Variants in CAST observed in about 807,000 individuals in gnomAD.
CAST encodes calpastatin, also known as MIR583 host.
CAST carries 76 observed loss-of-function variants against 119.6 expected under a neutral mutation model. That is an observed-to-expected ratio of 0.64 (90% CI 0.53 to 0.77). The LOEUF (loss-of-function observed/expected upper bound fraction) is 0.77. Among genes scored for constraint, CAST ranks in the 30% least tolerant of loss-of-function variants. The pLI, the probability that CAST is intolerant of heterozygous loss-of-function variation, is 0.00. For missense variants in CAST, 953 were observed against 946.5 expected (o/e 1.01, Z -0.09); for synonymous variants, 319 against 331.6 (o/e 0.96, Z 0.41).
At chr5:96,033,269 T>C in the CAST span, among the ~76,000 whole-genome samples, 1 of 152,072 alleles carries the variant, frequency 6.6e-6, no homozygotes, top group African/African-American at 2.4e-5. Flanking sequence ...ACGTAATCCC[T>C]ATAAAAATAC....
At chr5:96,365,255 A>G in the CAST span, among the ~76,000 whole-genome samples, 3 of 152,302 alleles carry the variant, frequency 2.0e-5, no homozygotes, top group South Asian at 2.1e-4. Flanking sequence ...TATGTGGTCA[A>G]TTTTGGAATA....
At chr5:96,448,481 T>C in the CAST span, among the ~76,000 whole-genome samples, 1 of 152,222 alleles carries the variant, frequency 6.6e-6, no homozygotes, top group African/African-American at 2.4e-5. Context: ...GGCACTGTGC[T>C]AGCTGCAATG....
the CAST span, among the ~76,000 whole-genome samples, chr5:96,354,502 A>G: frequency 6.6e-6 from 1 of 151,998 alleles, no homozygotes; most frequent in Non-Finnish European, 1.5e-5. Flanking sequence ...CAGTTAAACT[A>G]TGATACACCA....
chr5:96,653,843 AT>A (rs1748123236), intron 1 of CAST, among the ~76,000 whole-genome samples: 1 of 152,130 alleles, frequency 6.6e-6, no homozygotes, highest in Non-Finnish European at 1.5e-5. Flanking sequence ...TATGAGTCTT[AT>A]TCTGTATTTT....
chr5:96,219,553 C>T, the CAST span, among the ~76,000 whole-genome samples: 1 of 152,192 alleles, frequency 6.6e-6, no homozygotes, highest in African/African-American at 2.4e-5. Context: ...TGCCTGTAAT[C>T]CCAGCACTTC....
intron 24 of CAST, 163 bp from the exon 25 acceptor site, chr5:96,762,104 TAGAGAAG>T (rs1449432256): frequency 2.2e-6 from 1 of 445,936 alleles, no homozygotes; most frequent in African/African-American, 2.0e-5. Flanking sequence ...AATAATACAA[TAGAGAAG>T]AAAGAATTTA....
chr5:96,078,732 G>A, the CAST span, among the ~76,000 whole-genome samples: 13 of 152,146 alleles, frequency 8.5e-5, no homozygotes, highest in Non-Finnish European at 1.8e-4. Context: ...TTTGTCTTGT[G>A]GGTATTGATG....
the CAST span, among the ~76,000 whole-genome samples, chr5:96,175,316 C>G: frequency 6.6e-6 from 1 of 152,092 alleles, no homozygotes; most frequent in African/African-American, 2.4e-5. Context: ...TGAAAGTACC[C>G]TACTGGCCAA....
upstream of CAST, among the ~76,000 whole-genome samples, chr5:96,524,561 C>T (rs930049455): frequency 9.2e-5 from 14 of 152,114 alleles, no homozygotes; most frequent in East Asian, 5.8e-4. Context: ...TGTTATGGCC[C>T]GGGAAGTGGG....
chr5:96,747,187 A>C (rs943034443), intron 17 of CAST, among the ~76,000 whole-genome samples, 158 bp from the exon 18 acceptor site: 1 of 152,094 alleles, frequency 6.6e-6, no homozygotes, highest in Non-Finnish European at 1.5e-5. Context: ...TCCTTTTTTT[A>C]TACTTTATAA....
intron 1 of CAST, among the ~76,000 whole-genome samples, chr5:96,618,121 T>C (rs971721365): frequency 1.3e-5 from 2 of 152,172 alleles, no homozygotes; most frequent in African/African-American, 4.8e-5. Flanking sequence ...CACGCAGTCC[T>C]ACAGGGCTAA....
At chr5:96,455,605 C>T in the CAST span, among the ~76,000 whole-genome samples, 1 of 152,192 alleles carries the variant, frequency 6.6e-6, no homozygotes, top group East Asian at 1.9e-4. Context: ...ATGTCTACAG[C>T]CTTTCTCCTC....
At chr5:96,163,398 C>G in the CAST span, among the ~76,000 whole-genome samples, 1 of 152,126 alleles carries the variant, frequency 6.6e-6, no homozygotes, top group Non-Finnish European at 1.5e-5. Flanking sequence ...TCCATAATTA[C>G]TATTTAGCTA....
the CAST span, among the ~76,000 whole-genome samples, chr5:96,277,491 C>G: frequency 6.6e-6 from 1 of 152,072 alleles, no homozygotes; most frequent in East Asian, 1.9e-4. Flanking sequence ...TGCAAATTAG[C>G]TGATTATATT....
At chr5:96,765,383 G>T (rs1238681452) in intron 26 of CAST, 58 bp downstream of exon 26, 1 of 814,132 alleles carries the variant, frequency 1.2e-6, no homozygotes, top group African/African-American at 1.8e-5. Flanking sequence ...TAATCCTTGG[G>T]TCTTGACTCT....
intron 1 of CAST, among the ~76,000 whole-genome samples, chr5:96,554,879 G>C (rs1272655322): frequency 6.6e-6 from 1 of 152,050 alleles, no homozygotes; most frequent in Non-Finnish European, 1.5e-5. Flanking sequence ...GTTAGAATTG[G>C]GATCATTAAA....
the CAST span, among the ~76,000 whole-genome samples, chr5:96,156,345 A>G: frequency 1.3e-5 from 2 of 152,118 alleles, no homozygotes; most frequent in Non-Finnish European, 2.9e-5. Flanking sequence ...GAACTGACTG[A>G]TTGGAATGTA....
the CAST span, chr5:96,429,070 G>A: frequency 1.2e-5 from 7 of 593,114 alleles, no homozygotes; most frequent in Non-Finnish European, 2.1e-5. Flanking sequence ...TTTATGGAAA[G>A]AAATTAGAAA....
chr5:96,041,122 A>C, the CAST span, among the ~76,000 whole-genome samples: 1 of 152,010 alleles, frequency 6.6e-6, no homozygotes, highest in African/African-American at 2.4e-5. Context: ...CCATTCCTTA[A>C]GTGTGGGTTG....
Sources: gnomAD v4.1 joint callset for allele counts (sites outside exome capture counted in the v4.1 genomes callset) on GRCh38, gnomAD v4.1.1 for gene constraint, MANE v1.5 for transcripts, NCBI Gene and HGNC (gene_info 2026-07-23, HGNC 2026-07-21) for gene names.